The following HIVEP3 variants were observed in gnomAD, a reference collection of about 807,000 sequenced individuals.
HIVEP3 encodes the protein HIVEP zinc finger 3, also known as transcription factor HIVEP3.
Under a neutral mutation model 152.8 loss-of-function variants are expected in HIVEP3, and 49 were observed. The ratio of observed to expected loss-of-function variants is 0.32; its 90% CI spans 0.26 to 0.41. The LOEUF is 0.41. Ranked by LOEUF, HIVEP3 falls within the 10% of genes least tolerant of loss-of-function variation. The pLI, the probability that HIVEP3 is intolerant of heterozygous loss-of-function variation, is 1.00. For synonymous variants in HIVEP3, 1,269 were observed against 1,289.0 expected, an observed-to-expected ratio of 0.98 and a Z score of 0.33; for missense variants, 2,790 against 3,103.3, an observed-to-expected ratio of 0.90 and a Z score of 2.40.
chr1:41,626,496 A>C (rs552407127), intron 3 of HIVEP3, among the ~76,000 whole-genome samples: 14 of 152,294 alleles, frequency 9.2e-5, no homozygotes, highest in Admixed American at 9.1e-4. Flanking sequence ...TCTGGGCACG[A>C]AGCGGGGGGA....
rs535931053 is a variant in HIVEP3, at chr1:41,770,405, C to T, written c.-800-69410G>A. ...TTCCTCCCTGCAGCAGGTGGAGCTT[C>T]GTTCCCCTGCTTGAGCATGGGCCGG... On this transcript the variant is annotated intron_variant, in intron 1 of 8. Coordinates refer to ENST00000372583, the MANE Select transcript of HIVEP3 (RefSeq NM_024503.5). 1.8e-3 allele frequency among the ~76,000 whole-genome samples: 267 copies of T among 152,292 alleles called. 1 individual carries two copies. The highest frequency in any genetic ancestry group is 6.8e-3 in the Middle Eastern group (2 of 294).
At chr1:41,900,448 A>C (rs1570769656) in intron 1 of HIVEP3, among the ~76,000 whole-genome samples, 1 of 152,122 alleles carries the variant, frequency 6.6e-6, no homozygotes, top group East Asian at 1.9e-4. Context: ...AGGTTTTAGA[A>C]TTTTTGGTGC....
intron 1 of HIVEP3, among the ~76,000 whole-genome samples, chr1:41,987,078 A>G (rs2124513948): frequency 6.6e-6 from 1 of 152,390 alleles, no homozygotes; most frequent in Non-Finnish European, 1.5e-5. Flanking sequence ...ATATTTATTT[A>G]GTGCCTACAA....
intron 1 of HIVEP3, among the ~76,000 whole-genome samples, chr1:42,017,460 C>T (rs1313387361): frequency 6.6e-6 from 1 of 152,078 alleles, no homozygotes; most frequent in East Asian, 1.9e-4. Flanking sequence ...CCCCTTAATT[C>T]CCGCTTCTAG....
At position 41,513,213 on chromosome 1, in the gene HIVEP3, G is replaced by A; in HGVS notation, c.6008C>T (p.Pro2003Leu). ...AGGTGGGCTTGGGGCTGAGGCCTGT[G>A]GTTCTCGGGCCGGGGAGCATCGCTG... ...SPQRCSPAREPQASAPSPPGL... is the reference protein window; with the variant it reads ...SPQRCSPARELQASAPSPPGL... Residue 2003 changes from proline to leucine, a missense_variant, in exon 8 of 9, where the codon CCA (proline) becomes CTA (leucine). Transcript: ENST00000372583. 1 of 1,613,798 alleles carries A rather than the reference G, an allele frequency of 6.2e-7. No individual in the cohort carries two copies. The highest frequency in any genetic ancestry group is 8.5e-7 in the Non-Finnish European group (1 of 1,179,928).
chr1:41,941,916 C>T (rs1302990338), intron 1 of HIVEP3, among the ~76,000 whole-genome samples: 7 of 152,124 alleles, frequency 4.6e-5, no homozygotes, highest in South Asian at 2.1e-4. Flanking sequence ...AAGTGTAATC[C>T]GCCAATTTCC....
chr1:41,726,351 C>G (rs1570405847), intron 1 of HIVEP3, among the ~76,000 whole-genome samples: 1 of 152,162 alleles, frequency 6.6e-6, no homozygotes, highest in East Asian at 1.9e-4. Flanking sequence ...AACAGGGAAA[C>G]TACCAAATAG....
chr1:41,725,238 G>T (rs1427897382), intron 1 of HIVEP3, among the ~76,000 whole-genome samples: 5 of 152,182 alleles, frequency 3.3e-5, no homozygotes, highest in African/African-American at 1.2e-4. Context: ...AACGCTTCGG[G>T]ACATGCAGAC....
Position 41,580,330 on chromosome 1 carries a change from C to A in HIVEP3, c.4468G>T (p.Gly1490Cys). 2 of 1,614,096 alleles carry A rather than the reference C, an allele frequency of 1.2e-6. No individual in the cohort carries two copies. Among genetic ancestry groups the A allele is most frequent in the Non-Finnish European group, 1.7e-6 (2 of 1,180,020 alleles). ...ATTTCTAGCTCCCTCCTGCCTTGGC[C>A]CTGGTTGCCTAAGTGGGATTTCTCT... Reference protein sequence around the residue: ...RPEKSHLGNQGQGRRELEMLS... With the variant: ...RPEKSHLGNQCQGRRELEMLS... Residue 1490 changes from glycine to cysteine, a missense_variant, in exon 4 of 9, where the codon GGC becomes TGC. Gly to Cys is a radical substitution (Grantham distance 159). This residue lies in a region of HIVEP3 where 1,078 missense variants were observed against 1,165.3 expected (regional missense o/e 0.93). Transcript: ENST00000372583.
chr1:41,960,546 G>C (rs962634664), intron 1 of HIVEP3, among the ~76,000 whole-genome samples: 3 of 152,146 alleles, frequency 2.0e-5, no homozygotes, highest in African/African-American at 7.2e-5. Flanking sequence ...TCACACTCTA[G>C]AGCTCCTCGA....
chr1:41,998,114 T>TA (rs1377332941), intron 1 of HIVEP3, among the ~76,000 whole-genome samples: 3 of 152,110 alleles, frequency 2.0e-5, no homozygotes, highest in Non-Finnish European at 4.4e-5. Flanking sequence ...ACCACCCTCT[T>TA]AGAGTGTTAA....
intron 1 of HIVEP3, among the ~76,000 whole-genome samples, chr1:41,714,691 C>A (rs12094414): frequency 6.6e-6 from 1 of 152,060 alleles, no homozygotes; most frequent in Non-Finnish European, 1.5e-5. Context: ...GGGCTTGGCC[C>A]CTGGGAGAGA....
chr1:41,893,690 TTA>T (rs1180112920), intron 1 of HIVEP3, among the ~76,000 whole-genome samples: 4 of 151,168 alleles, frequency 2.6e-5, no homozygotes, highest in South Asian at 2.1e-4. Context: ...AGCCTCAGGT[TTA>T]TATATATGTG....
chr1:41,724,306 ATCC>A (rs1179875137), intron 1 of HIVEP3, among the ~76,000 whole-genome samples: 5 of 152,190 alleles, frequency 3.3e-5, no homozygotes, highest in Non-Finnish European at 7.3e-5. Context: ...TGTCCCTGGG[ATCC>A]TCCTCTGAGA....
intron 1 of HIVEP3, among the ~76,000 whole-genome samples, chr1:41,948,656 A>C (rs1645088306): frequency 6.6e-6 from 1 of 152,162 alleles, no homozygotes; most frequent in African/African-American, 2.4e-5. Flanking sequence ...GGAATGGAGA[A>C]CCTCACGAGG....
intron 1 of HIVEP3, among the ~76,000 whole-genome samples, chr1:41,993,734 A>G (rs1385930982): frequency 6.6e-6 from 1 of 151,190 alleles, no homozygotes; most frequent in African/African-American, 2.4e-5. Flanking sequence ...ACAATAGCAA[A>G]GACTTGGAAC....
At chr1:41,512,526 T>C (rs1642456860) in intron 8 of HIVEP3, among the ~76,000 whole-genome samples, 1 of 152,232 alleles carries the variant, frequency 6.6e-6, no homozygotes, top group Admixed American at 6.5e-5. Context: ...GGAATTTGTT[T>C]ATAGCAATAC....
intron 1 of HIVEP3, among the ~76,000 whole-genome samples, chr1:41,932,097 T>C (rs1644999029): frequency 1.3e-5 from 2 of 151,916 alleles, no homozygotes; most frequent in African/African-American, 2.4e-5. Context: ...GATGCCCTTT[T>C]TGAGGTTAAG....
chr1:41,612,849 G>A, intron 3 of HIVEP3, among the ~76,000 whole-genome samples: 1 of 152,256 alleles, frequency 6.6e-6, no homozygotes, highest in Non-Finnish European at 1.5e-5. Flanking sequence ...GCATGGAAGA[G>A]ATGGGCAGAG....
Sources: allele counts gnomAD v4.1 joint callset (sites outside exome capture counted in the v4.1 genomes callset), GRCh38; gene constraint gnomAD v4.1.1; regional missense constraint gnomAD v4.1.1; transcripts MANE v1.5; gene names NCBI Gene and HGNC (gene_info 2026-07-23, HGNC 2026-07-21).